NRXN1: variants seen among roughly 807,000 people sequenced by gnomAD.
NRXN1 encodes neurexin-1.
A neutral mutation model predicts 150.9 loss-of-function variants in NRXN1; 39 were observed. The ratio of observed to expected loss-of-function variants is 0.26; its 90% CI spans 0.20 to 0.34. The LOEUF (loss-of-function observed/expected upper bound fraction) is 0.34. NRXN1 is among the 10% of genes least tolerant of loss of function. NRXN1 has a pLI of 1.00. For missense variants in NRXN1, 1,815 were observed against 1,949.9 expected (o/e 0.93, Z 1.30); for synonymous variants, 924 against 757.0 (o/e 1.22, Z -3.62).
At chr2:50,083,150 T>C (rs1296364373) in intron 19 of NRXN1, among the ~76,000 whole-genome samples, 2 of 152,214 alleles carry the variant, frequency 1.3e-5, no homozygotes, top group African/African-American at 4.8e-5. Flanking sequence ...TTGACAAGTT[T>C]CCTGGGATGG....
In NRXN1 at chr2:50,761,534, G is replaced by A. The variant is rs189968646; in HGVS notation, c.833-137919C>T. ...CCATGTGGAATTGTGAGTTCATTAA[G>A]CCTCTTTCTCTTTATAAATTACCCA... On this transcript the variant is annotated intron_variant, in intron 5 of 22. Coordinates refer to ENST00000401669, the MANE Select transcript of NRXN1 (RefSeq NM_001330078.2). Among the ~76,000 whole-genome samples the A allele has an allele frequency of 3.5e-3, 529 of 152,034 alleles. 4 individuals are homozygous for A. Among genetic ancestry groups the A allele is most frequent in the African/African-American group, 0.012 (508 of 41,512 alleles).
chr2:50,592,281 C>A (rs1241770778), intron 8 of NRXN1, among the ~76,000 whole-genome samples: 1 of 152,244 alleles, frequency 6.6e-6, no homozygotes, highest in East Asian at 1.9e-4. Context: ...TAGCAGTAGA[C>A]TTCCACAGTT....
rs1023781022 is a variant in NRXN1, at chr2:50,367,633, T to C, written c.3364+97809A>G. Among the ~76,000 whole-genome samples, 3 of 152,120 alleles carry C rather than the reference T, an allele frequency of 2.0e-5. No individual in the cohort carries two copies. The East Asian group carries it at 5.8e-4, about 29-fold the overall frequency. On this transcript the variant is annotated intron_variant, in intron 17 of 22. Coordinates refer to ENST00000401669, the MANE Select transcript of NRXN1 (RefSeq NM_001330078.2). Reference sequence around the variant, plus strand: ...GAGCTGGGCAGATCCCCATCCTCTCTTGAAGTCCATGAAAGCATATCTACC... The same window carrying C: ...GAGCTGGGCAGATCCCCATCCTCTCCTGAAGTCCATGAAAGCATATCTACC...
chr2:50,031,760 G>A (rs535562093), intron 21 of NRXN1, among the ~76,000 whole-genome samples: 24 of 152,172 alleles, frequency 1.6e-4, no homozygotes, highest in Non-Finnish European at 3.1e-4. Flanking sequence ...GACTCTCAAT[G>A]TCTGTATCAT....
At chr2:50,942,936 C>A (rs370014428) in intron 2 of NRXN1, among the ~76,000 whole-genome samples, 50 of 152,228 alleles carry the variant, frequency 3.3e-4, no homozygotes, top group Admixed American at 1.3e-3. Flanking sequence ...TGTGTCCCAC[C>A]CAAACCTTAT....
In NRXN1 at chr2:50,278,287, T is replaced by TATATA. The variant is rs1192018114; in HGVS notation, c.3365-41318_3365-41317insTATAT. On this transcript the variant is annotated intron_variant, in intron 17 of 22. Transcript: ENST00000401669. ...TATTATATATGTATTATATATATAATACATATATAATATATATTTTATATA... is the reference window on the plus strand; with the variant it reads ...TATTATATATGTATTATATATATAATATATAACATATATAATATATATTTTATATA... Among the ~76,000 whole-genome samples the TATATA allele has an allele frequency of 1.3e-4, 11 of 84,810 alleles. No homozygotes were observed. The Middle Eastern group carries it at 0.019, about 143-fold the overall frequency. The allele number at this position is 84,810 out of a possible 152,430, so 55.6% of individuals were successfully genotyped here. A position where few individuals can be genotyped will look rare whatever the true frequency, so the allele number is the denominator to read the frequency against.
At chr2:50,266,952 C>T (rs773450294) in intron 17 of NRXN1, among the ~76,000 whole-genome samples, 1 of 152,172 alleles carries the variant, frequency 6.6e-6, no homozygotes, top group African/African-American at 2.4e-5. Flanking sequence ...TCAACTTCAT[C>T]TCTGTGTACA....
intron 13 of NRXN1, among the ~76,000 whole-genome samples, chr2:50,505,123 T>C (rs2104986703): frequency 6.6e-6 from 1 of 152,264 alleles, no homozygotes; most frequent in South Asian, 2.1e-4. Flanking sequence ...CCTTATAATA[T>C]CATGCATTGT....
At chr2:50,018,595 A>T (rs1687015052) in intron 21 of NRXN1, among the ~76,000 whole-genome samples, 1 of 152,222 alleles carries the variant, frequency 6.6e-6, no homozygotes, top group Non-Finnish European at 1.5e-5. Flanking sequence ...TTGGGAAAAG[A>T]AGATATGTGA....
At chr2:50,098,135 C>T (rs919422726) in intron 18 of NRXN1, among the ~76,000 whole-genome samples, 1 of 152,124 alleles carries the variant, frequency 6.6e-6, no homozygotes, top group African/African-American at 2.4e-5. Context: ...TCCTGCTGCC[C>T]TGTCTCCTAT....
At chr2:50,423,452 T>C (rs2084161050) in intron 17 of NRXN1, among the ~76,000 whole-genome samples, 1 of 152,138 alleles carries the variant, frequency 6.6e-6, no homozygotes, top group South Asian at 2.1e-4. Context: ...CAATGGGCCA[T>C]CTTATTCTAT....
At chr2:50,786,540 T>A (rs1465873744) in intron 5 of NRXN1, among the ~76,000 whole-genome samples, 1 of 152,140 alleles carries the variant, frequency 6.6e-6, no homozygotes, top group Non-Finnish European at 1.5e-5. Context: ...TAAGCCATTA[T>A]AGCGCCATCA....
At chr2:50,053,147 CAAAG>C (rs1402826119) in intron 21 of NRXN1, 120 bp downstream of exon 21, 2 of 931,474 alleles carry the variant, frequency 2.1e-6, no homozygotes, top group East Asian at 4.8e-5. Context: ...AAGCTAGTTT[CAAAG>C]GAAGCTGTAG....
At chr2:50,963,670 C>G (rs773735733) in intron 2 of NRXN1, among the ~76,000 whole-genome samples, 1 of 151,560 alleles carries the variant, frequency 6.6e-6, no homozygotes, top group African/African-American at 2.4e-5. Flanking sequence ...CATGTTTAAG[C>G]AAGATACGGT....
chr2:50,407,448 T>G (rs983796146), intron 17 of NRXN1, among the ~76,000 whole-genome samples: 6 of 152,166 alleles, frequency 3.9e-5, no homozygotes, highest in African/African-American at 1.4e-4. Context: ...TTCAGCCTCA[T>G]TGATATTGTC....
chr2:50,399,271 C>G (rs186389712), intron 17 of NRXN1, among the ~76,000 whole-genome samples: 5 of 152,216 alleles, frequency 3.3e-5, no homozygotes, highest in African/African-American at 1.2e-4. Flanking sequence ...ATTATTAAAC[C>G]TAGCTGTCCC....
At position 50,497,578 on chromosome 2, in the gene NRXN1, T is replaced by C. The variant is rs200543943; in HGVS notation, c.2634A>G (p.Ala878=). The C allele has an allele frequency of 5.6e-6, 9 of 1,613,970 alleles. No homozygotes were observed. Among genetic ancestry groups the C allele is most frequent in the Non-Finnish European group, 7.6e-6 (9 of 1,179,860 alleles). The stretch of plus-strand genomic sequence containing the variant: ...CGCCATTTTTACACAGGTCAATGTA[T>C]GCCATTCCATTAAATGTCAAGCTCT... The part of the protein sequence containing the change: ...HLQSLTFNGM[A]YIDLCKNGDI... The change falls in exon 14 of 23, where the codon GCA becomes GCG. Residue 878 remains alanine, a synonymous_variant. Coordinates refer to ENST00000401669, the MANE Select transcript of NRXN1 (RefSeq NM_001330078.2).
intron 5 of NRXN1, among the ~76,000 whole-genome samples, chr2:50,850,671 G>C (rs1053042487): frequency 2.0e-5 from 3 of 151,948 alleles, no homozygotes; most frequent in Non-Finnish European, 4.4e-5. Flanking sequence ...TGCTTAAAGA[G>C]CCATTTATTA....
At chr2:49,975,470 A>G (rs10495989) in intron 21 of NRXN1, among the ~76,000 whole-genome samples, 15,600 of 152,156 alleles carry the variant, frequency 0.1, 848 homozygotes, top group Middle Eastern at 0.21. Flanking sequence ...CCAAAGCTCA[A>G]TTTGTCTTGG....
Sources: allele counts gnomAD v4.1 joint callset (sites outside exome capture counted in the v4.1 genomes callset), GRCh38; gene constraint gnomAD v4.1.1; transcripts MANE v1.5; gene names NCBI Gene and HGNC (gene_info 2026-07-23, HGNC 2026-07-21).